RBFOX3: variants seen among roughly 807,000 people sequenced by gnomAD.
The protein encoded by RBFOX3 is RNA binding fox-1 homolog 3.
A neutral mutation model predicts 48.7 loss-of-function variants in RBFOX3; 17 were observed. The observed-to-expected ratio is 0.35, with a 90% CI of 0.24 to 0.52. The LOEUF (loss-of-function observed/expected upper bound fraction) is 0.52. RBFOX3 is among the 20% of genes least tolerant of loss of function. The probability of loss-of-function intolerance (pLI) is 0.94; values close to 1 mark genes in which losing one functional copy is unlikely to be tolerated. For missense variants in RBFOX3, 382 were observed against 497.5 expected (o/e 0.77, Z 2.21); for synonymous variants, 212 against 209.5 (o/e 1.01, Z -0.10).
intron 3 of RBFOX3, among the ~76,000 whole-genome samples, chr17:79,306,253 C>T (rs927357286): frequency 5.9e-5 from 9 of 152,238 alleles, no homozygotes; most frequent in Admixed American, 1.3e-4. Flanking sequence ...ACGGCAATGG[C>T]GGAAAATAAA....
In RBFOX3 at chr17:79,437,704, T is replaced by C. The variant is rs539678328; in HGVS notation, c.-175+44750A>G. 2.6e-5 allele frequency among the ~76,000 whole-genome samples: 4 copies of C among 152,312 alleles called. No homozygotes were observed. In the South Asian group the frequency reaches 6.2e-4, roughly 24 times the overall value. On this transcript the variant is annotated intron_variant, in intron 2 of 14. Transcript: ENST00000693108. Reference sequence around the variant, plus strand: ...GAAACCCCATTCCCAAATGCCAGGCTCCCCAGACTTCCCACCCTAGGCCGG... The same window carrying C: ...GAAACCCCATTCCCAAATGCCAGGCCCCCCAGACTTCCCACCCTAGGCCGG...
chr17:79,603,336 G>A (rs2093752629), intron 1 of RBFOX3, among the ~76,000 whole-genome samples: 1 of 152,190 alleles, frequency 6.6e-6, no homozygotes, highest in Non-Finnish European at 1.5e-5. Flanking sequence ...GAGGCATGGG[G>A]AGAGCACACC....
intron 4 of RBFOX3, among the ~76,000 whole-genome samples, chr17:79,119,010 A>AAAAAAGAAAAAAAAAAGAAAAT (rs2034979147): frequency 1.7e-5 from 2 of 116,342 alleles, no homozygotes; most frequent in Non-Finnish European, 4.1e-5. Flanking sequence ...AAATAAAATA[A>AAAAAAGAAAAAAAAAAGAAAAT]AAAAGAAAGC....
At chr17:79,279,908 G>C (rs1235829039) in intron 3 of RBFOX3, among the ~76,000 whole-genome samples, 2 of 152,192 alleles carry the variant, frequency 1.3e-5, no homozygotes, top group Non-Finnish European at 2.9e-5. Context: ...AGGCACCAGA[G>C]AGGTGAGGCA....
intron 4 of RBFOX3, among the ~76,000 whole-genome samples, chr17:79,150,261 G>A (rs902263031): frequency 9.9e-5 from 15 of 151,972 alleles, no homozygotes; most frequent in African/African-American, 3.4e-4. Context: ...ACAAAGCCTC[G>A]TGGGGGGTCC....
rs377716451 is a variant in RBFOX3 at position 79,170,701 on chromosome 17, C to T, written c.-33-54953G>A. Among the ~76,000 whole-genome samples, 82 of 152,290 alleles carry T rather than the reference C, an allele frequency of 5.4e-4. 1 individual carries two copies. Among genetic ancestry groups the T allele is most frequent in the African/African-American group, 1.8e-3 (74 of 41,550 alleles). On this transcript the variant is annotated intron_variant, in intron 4 of 14. Transcript: ENST00000693108. Reference sequence around the variant, plus strand: ...TGTTCCGGCCGCCCCTGGTCTGTAGCTTTCTGGCCCCTCCTTTTCTATCCC... The same window carrying T: ...TGTTCCGGCCGCCCCTGGTCTGTAGTTTTCTGGCCCCTCCTTTTCTATCCC...
At chr17:79,345,668 A>G (rs113702100) in intron 2 of RBFOX3, among the ~76,000 whole-genome samples, 74 of 152,118 alleles carry the variant, frequency 4.9e-4, no homozygotes, top group African/African-American at 1.7e-3. Context: ...GGGATGTTTT[A>G]TACTTTTCTT....
At chr17:79,545,515 G>A (rs1365921880) in intron 1 of RBFOX3, among the ~76,000 whole-genome samples, 1 of 152,218 alleles carries the variant, frequency 6.6e-6, no homozygotes, top group African/African-American at 2.4e-5. Context: ...GCCTCCAGGG[G>A]CCCAGAGGGA....
In RBFOX3 at chr17:79,421,033, G is replaced by A. The variant is rs551933492; in HGVS notation, c.-175+61421C>T. Among the ~76,000 whole-genome samples the A allele has an allele frequency of 1.3e-5, 2 of 151,804 alleles. No individual in the cohort carries two copies. The highest frequency in any genetic ancestry group is 4.2e-4 in the South Asian group (2 of 4,802). ...GTGAGCCTCCCCTGGTGGGTTGAGG[G>A]GCTTCCCTACTGGGTGAGCCTCCCC... On this transcript the variant is annotated intron_variant, in intron 2 of 14. Coordinates refer to ENST00000693108, the MANE Select transcript of RBFOX3 (RefSeq NM_001350451.2). The surrounding 1 kb of genome is among the most constrained non-coding windows in gnomAD (Gnocchi z 4.5).
chr17:79,485,155 T>C (rs2079376255), intron 1 of RBFOX3, among the ~76,000 whole-genome samples: 1 of 152,104 alleles, frequency 6.6e-6, no homozygotes, highest in South Asian at 2.1e-4. Flanking sequence ...AGGCGGGCTG[T>C]CTGCCGGGGC....
intron 3 of RBFOX3, among the ~76,000 whole-genome samples, chr17:79,275,701 T>C (rs916112507): frequency 2.6e-5 from 4 of 151,954 alleles, no homozygotes; most frequent in Non-Finnish European, 5.9e-5. Context: ...TTACGGTAGC[T>C]CCCCCACCCC....
At chr17:79,293,417 TTCCTTCCTTCCTTC>T (rs2073754388) in intron 3 of RBFOX3, among the ~76,000 whole-genome samples, 1 of 14,336 alleles carries the variant, frequency 7.0e-5, no homozygotes, top group African/African-American at 5.9e-4. Context: ...CACCCCTTCC[TTCCTTCCTTCCTTC>T]CTTCCTTCCT....
intron 1 of RBFOX3, among the ~76,000 whole-genome samples, chr17:79,591,224 C>A (rs1347415763): frequency 1.3e-5 from 2 of 152,086 alleles, no homozygotes; most frequent in Non-Finnish European, 2.9e-5. Flanking sequence ...CACCCATTGC[C>A]ATGTGTCCCC....
intron 2 of RBFOX3, among the ~76,000 whole-genome samples, chr17:79,342,348 A>G (rs570467061): frequency 1.3e-5 from 2 of 152,250 alleles, no homozygotes; most frequent in South Asian, 2.1e-4. Context: ...TTTGTTGGGC[A>G]TTTGTTGTTT....
In RBFOX3 at chr17:79,480,764, G is replaced by A. The variant is rs929386376; in HGVS notation, c.-175+1690C>T. On this transcript the variant is annotated intron_variant, in intron 2 of 14. Coordinates refer to ENST00000693108, the MANE Select transcript of RBFOX3 (RefSeq NM_001350451.2). This position sits in a 1 kb window ranked among gnomAD's most constrained non-coding sequence, Gnocchi z 4.8. ...GCTCACAACATCAGCACCGGGGCCT[G>A]CCCTTCTGTCCTGGGCAACTGCAGC... Among the ~76,000 whole-genome samples, 1 of 152,172 alleles carries A rather than the reference G, an allele frequency of 6.6e-6. No homozygotes were observed. The highest frequency in any genetic ancestry group is 2.4e-5 in the African/African-American group (1 of 41,422).
At position 79,537,121 on chromosome 17, in the gene RBFOX3, A is replaced by C. The variant is rs536738136; in HGVS notation, c.-319-54523T>G. 3.4e-3 allele frequency among the ~76,000 whole-genome samples: 511 copies of C among 151,266 alleles called. 2 individuals are homozygous for C. Among genetic ancestry groups the C allele is most frequent in the East Asian group, 5.7e-3 (29 of 5,114 alleles). On this transcript the variant is annotated intron_variant, in intron 1 of 14. Coordinates refer to ENST00000693108, the MANE Select transcript of RBFOX3 (RefSeq NM_001350451.2). Reference sequence around the variant, plus strand: ...ACAAAACAAACAAACAAAAAACAAAAAAAAAAAAAACCAAAAAAGCAACAC... The same window carrying C: ...ACAAAACAAACAAACAAAAAACAAACAAAAAAAAAACCAAAAAAGCAACAC...
At chr17:79,107,098 G>A (rs923529043) in intron 5 of RBFOX3, among the ~76,000 whole-genome samples, 1 of 152,212 alleles carries the variant, frequency 6.6e-6, no homozygotes, top group African/African-American at 2.4e-5. Context: ...CGCAGCCCAG[G>A]CCTGTCCACA....
intron 3 of RBFOX3, among the ~76,000 whole-genome samples, chr17:79,256,628 A>G (rs778768142): frequency 5.9e-5 from 9 of 152,174 alleles, no homozygotes; most frequent in Non-Finnish European, 1.0e-4. Flanking sequence ...AGAAAGGGAA[A>G]GAAGTTCTGC....
At chr17:79,451,228 G>A (rs782560099) in intron 2 of RBFOX3, among the ~76,000 whole-genome samples, 14 of 151,108 alleles carry the variant, frequency 9.3e-5, no homozygotes, top group Non-Finnish European at 1.8e-4. Flanking sequence ...TAGTAAATGA[G>A]AAAAAAAAAT....
Sources: allele counts gnomAD v4.1 joint callset (sites outside exome capture counted in the v4.1 genomes callset), GRCh38; gene constraint gnomAD v4.1.1; non-coding constraint Gnocchi (gnomAD v3.1); transcripts MANE v1.5; gene names NCBI Gene and HGNC (gene_info 2026-07-23, HGNC 2026-07-21).